The following KIAA1549L variants were observed in gnomAD, a reference collection of about 807,000 sequenced individuals.
The protein encoded by KIAA1549L is KIAA1549 like.
In KIAA1549L, 88 loss-of-function variants were observed where a neutral mutation model predicts 160.7. The observed-to-expected ratio is 0.55, with a 90% CI of 0.46 to 0.65. The LOEUF is 0.65. Among genes scored for constraint, KIAA1549L ranks in the 30% least tolerant of loss-of-function variants. KIAA1549L has a pLI of 0.00. For missense variants in KIAA1549L, 2,258 were observed against 2,437.5 expected (o/e 0.93, Z 1.55); for synonymous variants, 950 against 976.7 (o/e 0.97, Z 0.51).
intron 3 of KIAA1549L, among the ~76,000 whole-genome samples, chr11:33,547,358 C>T (rs1025015321): frequency 5.9e-5 from 9 of 152,200 alleles, no homozygotes; most frequent in Non-Finnish European, 1.0e-4. Flanking sequence ...ATCCCACTTG[C>T]GAGGTGGGGA....
At chr11:33,581,397 T>TTG (rs10579855) in intron 10 of KIAA1549L, among the ~76,000 whole-genome samples, 5,689 of 149,716 alleles carry the variant, frequency 0.038, 197 homozygotes, top group African/African-American at 0.095. Flanking sequence ...TTCTGACAAA[T>TTG]TGTGTGTGTG....
At chr11:33,495,534 C>T in intron 1 of KIAA1549L, among the ~76,000 whole-genome samples, 1 of 152,076 alleles carries the variant, frequency 6.6e-6, no homozygotes, top group East Asian at 1.9e-4. Flanking sequence ...CATTGTTGGA[C>T]ATTTGGGTTG....
intron 18 of KIAA1549L, among the ~76,000 whole-genome samples, 185 bp from the exon 19 acceptor site, chr11:33,658,565 G>A (rs1290176415): frequency 6.6e-6 from 1 of 152,172 alleles, no homozygotes; most frequent in African/African-American, 2.4e-5. Flanking sequence ...ACAAGTCTGG[G>A]TGCCTCCTGC....
At chr11:33,513,670 G>A (rs558737938) in intron 1 of KIAA1549L, among the ~76,000 whole-genome samples, 6 of 152,212 alleles carry the variant, frequency 3.9e-5, no homozygotes, top group African/African-American at 1.2e-4. Context: ...ACAACTAGCC[G>A]CAGCTCTCTG....
intron 9 of KIAA1549L, among the ~76,000 whole-genome samples, chr11:33,570,003 T>TCC (rs1855191712): frequency 1.8e-5 from 1 of 55,804 alleles, no homozygotes; most frequent in East Asian, 5.6e-4. Flanking sequence ...TCTCTCTCTC[T>TCC]CTCTTTTTTT....
intron 1 of KIAA1549L, among the ~76,000 whole-genome samples, chr11:33,409,048 A>G (rs899371613): frequency 2.0e-5 from 3 of 152,060 alleles, no homozygotes; most frequent in Admixed American, 1.3e-4. Context: ...TCAGAACAAC[A>G]CAATAGTCAG....
chr11:33,580,603 A>AAAATT (rs1855606802), intron 10 of KIAA1549L, among the ~76,000 whole-genome samples: 1 of 128,772 alleles, frequency 7.8e-6, no homozygotes, highest in Non-Finnish European at 1.5e-5. Flanking sequence ...AAAAGAAAAG[A>AAAATT]AAAAAAAAGC....
chr11:33,537,714 G>C (rs1252513606), intron 1 of KIAA1549L, among the ~76,000 whole-genome samples: 1 of 152,094 alleles, frequency 6.6e-6, no homozygotes, highest in Non-Finnish European at 1.5e-5. Flanking sequence ...GGAGATTGTG[G>C]TTTCTTGAAT....
Position 33,658,819 on chromosome 11 carries a change from C to A in KIAA1549L, c.5928C>A (p.His1976Gln), listed in dbSNP as rs755385142. The part of the protein sequence containing the change: ...ESTGPEPAQL[H>Q]DSASFTQMSR... ...CAGGGCCCGAGCCGGCCCAGCTGCA[C>A]GACAGCGCCTCCTTCACGCAGATGT... The change falls in exon 19 of 21, where the codon CAC becomes CAA. Residue 1976 changes from histidine to glutamine, a missense_variant. This residue lies in a region of KIAA1549L where 1,359 missense variants were observed against 1,546.6 expected (regional missense o/e 0.88). Coordinates refer to ENST00000658780, the MANE Select transcript of KIAA1549L (RefSeq NM_012194.3). 1.3e-6 allele frequency: 2 copies of A among 1,566,750 alleles called. No homozygotes were observed. The highest frequency in any genetic ancestry group is 2.4e-5 in the South Asian group (2 of 84,684).
chr11:33,642,624 C>T (rs916464810), intron 16 of KIAA1549L, among the ~76,000 whole-genome samples: 3 of 151,442 alleles, frequency 2.0e-5, no homozygotes, highest in African/African-American at 7.3e-5. Flanking sequence ...TATGACAGAG[C>T]AGGTAATTGG....
chr11:33,622,695 T>C (rs1185364150), intron 16 of KIAA1549L, among the ~76,000 whole-genome samples: 2 of 152,016 alleles, frequency 1.3e-5, no homozygotes, highest in African/African-American at 4.8e-5. Context: ...GAATGCACAC[T>C]ACAAGGAGGT....
At chr11:33,563,934 C>T (rs1854961821) in intron 8 of KIAA1549L, among the ~76,000 whole-genome samples, 2 of 152,164 alleles carry the variant, frequency 1.3e-5, no homozygotes, top group African/African-American at 4.8e-5. Flanking sequence ...CCGTGTCTTG[C>T]CGTGCCTCTA....
At chr11:33,665,923 G>C (rs1184944531) in intron 20 of KIAA1549L, among the ~76,000 whole-genome samples, 1 of 152,220 alleles carries the variant, frequency 6.6e-6, no homozygotes, top group African/African-American at 2.4e-5. Flanking sequence ...TTGTGCCTGG[G>C]AGGGTGGCTG....
At chr11:33,550,284 T>G (rs1285819404) in intron 4 of KIAA1549L, among the ~76,000 whole-genome samples, 1 of 151,846 alleles carries the variant, frequency 6.6e-6, no homozygotes, top group Non-Finnish European at 1.5e-5. Context: ...CTTTTCTCTG[T>G]TTTTCAAATA....
chr11:33,600,753 G>A (rs1023597360), intron 13 of KIAA1549L, among the ~76,000 whole-genome samples: 2 of 152,098 alleles, frequency 1.3e-5, no homozygotes, highest in African/African-American at 4.8e-5. Context: ...TTGTTGTAAT[G>A]CTTTATTTTG....
chr11:33,537,446 G>C (rs994027899), intron 1 of KIAA1549L, among the ~76,000 whole-genome samples: 4 of 152,136 alleles, frequency 2.6e-5, no homozygotes, highest in African/African-American at 9.7e-5. Context: ...AGGTAGAAAA[G>C]GAGGGAGGGA....
intron 12 of KIAA1549L, among the ~76,000 whole-genome samples, chr11:33,598,229 T>TGTCTGA (rs138775051): frequency 0.15 from 21,629 of 147,966 alleles, 1,931 homozygotes; most frequent in East Asian, 0.33. Flanking sequence ...TGTGTGTGTG[T>TGTCTGA]CAGAGTGAAG....
intron 1 of KIAA1549L, among the ~76,000 whole-genome samples, chr11:33,492,884 C>T (rs1190855540): frequency 6.6e-6 from 1 of 152,106 alleles, no homozygotes; most frequent in African/African-American, 2.4e-5. Context: ...GCTTTGTTAA[C>T]ATTAGTATTC....
chr11:33,420,828 G>A (rs1382955426), intron 1 of KIAA1549L, among the ~76,000 whole-genome samples: 2 of 152,068 alleles, frequency 1.3e-5, no homozygotes, highest in Non-Finnish European at 1.5e-5. Context: ...ATGAAACCTC[G>A]ATTCCCACCT....
Sources: allele counts gnomAD v4.1 joint callset (sites outside exome capture counted in the v4.1 genomes callset), GRCh38; gene constraint gnomAD v4.1.1; regional missense constraint gnomAD v4.1.1; transcripts MANE v1.5; gene names NCBI Gene and HGNC (gene_info 2026-07-23, HGNC 2026-07-21).